Variants in FAM184A observed in about 807,000 individuals in gnomAD.
FAM184A encodes the protein family with sequence similarity 184 member A.
FAM184A carries 99 observed loss-of-function variants against 143.8 expected under a neutral mutation model. That is an observed-to-expected ratio of 0.69 (90% CI 0.58 to 0.81). The LOEUF (loss-of-function observed/expected upper bound fraction) is 0.81, where lower values mean the gene tolerates loss of function less well. Ranked by LOEUF, FAM184A falls within the 40% of genes least tolerant of loss-of-function variation. The pLI is 0.00. For synonymous variants in FAM184A, 427 were observed against 446.4 expected, an observed-to-expected ratio of 0.96 and a Z score of 0.55; for missense variants, 1,217 against 1,310.5, an observed-to-expected ratio of 0.93 and a Z score of 1.10.
intron 9 of FAM184A, among the ~76,000 whole-genome samples, chr6:118,982,437 C>A (rs567973730): frequency 6.4e-4 from 97 of 152,306 alleles, no homozygotes; most frequent in African/African-American, 2.3e-3. Context: ...GGGTGTGTCA[C>A]ATGCAGAATA....
intron 9 of FAM184A, among the ~76,000 whole-genome samples, chr6:118,992,293 A>T (rs1784404456): frequency 6.6e-6 from 1 of 152,144 alleles, no homozygotes; most frequent in Non-Finnish European, 1.5e-5. Flanking sequence ...TAAAGGAAAG[A>T]CATATGGATG....
intron 1 of FAM184A, among the ~76,000 whole-genome samples, chr6:119,107,065 T>C (rs1788806898): frequency 6.6e-6 from 1 of 152,162 alleles, no homozygotes; most frequent in African/African-American, 2.4e-5. Context: ...GATAAATCTA[T>C]TATCCTGAAA....
At chr6:119,148,108 C>T (rs1772514234) in intron 1 of FAM184A, among the ~76,000 whole-genome samples, 1 of 152,172 alleles carries the variant, frequency 6.6e-6, no homozygotes, top group Admixed American at 6.5e-5. Context: ...CCCTGCCTAG[C>T]AATGAAACTC....
chr6:119,111,852 T>A (rs1788942944), intron 1 of FAM184A, among the ~76,000 whole-genome samples: 1 of 152,220 alleles, frequency 6.6e-6, no homozygotes, highest in African/African-American at 2.4e-5. Flanking sequence ...GCATATAGAC[T>A]GAATATTTTC....
At chr6:119,098,978 C>T (rs370203302) in intron 1 of FAM184A, among the ~76,000 whole-genome samples, 49 of 152,228 alleles carry the variant, frequency 3.2e-4, no homozygotes, top group East Asian at 2.5e-3. Flanking sequence ...GATGTGGTGG[C>T]GCATGCCTAT....
intron 1 of FAM184A, among the ~76,000 whole-genome samples, chr6:119,058,315 G>A (rs1787086984): frequency 2.7e-5 from 4 of 150,858 alleles, no homozygotes; most frequent in South Asian, 2.1e-4. Flanking sequence ...TCCCTACTGA[G>A]CCTCTTGCCT....
At chr6:119,139,044 G>A (rs558581294) in intron 1 of FAM184A, among the ~76,000 whole-genome samples, 7 of 152,298 alleles carry the variant, frequency 4.6e-5, no homozygotes, top group South Asian at 2.1e-4. Context: ...GTCATGCACG[G>A]TAGCAGATTT....
At chr6:118,966,291 T>C (rs1324457676) in intron 15 of FAM184A, among the ~76,000 whole-genome samples, 1 of 152,214 alleles carries the variant, frequency 6.6e-6, no homozygotes, top group Non-Finnish European at 1.5e-5. Flanking sequence ...CCAGTGTTAC[T>C]GACTTTCCAA....
At chr6:119,037,127 T>C (rs912455089) in intron 1 of FAM184A, among the ~76,000 whole-genome samples, 7 of 152,220 alleles carry the variant, frequency 4.6e-5, no homozygotes, top group Admixed American at 1.3e-4. Context: ...AGTGTCTTTA[T>C]AGTAATTTTA....
intron 1 of FAM184A, among the ~76,000 whole-genome samples, chr6:119,035,435 C>T (rs894523323): frequency 6.6e-6 from 1 of 152,128 alleles, no homozygotes; most frequent in Non-Finnish European, 1.5e-5. Flanking sequence ...GTTTACAGGA[C>T]GCACAGCAAG....
intron 1 of FAM184A, among the ~76,000 whole-genome samples, chr6:119,046,738 C>A (rs1182203766): frequency 6.6e-6 from 1 of 152,162 alleles, no homozygotes; most frequent in Admixed American, 6.5e-5. Context: ...ATACATACCC[C>A]TGAATGGCCA....
chr6:119,102,553 C>T (rs1225665284), intron 1 of FAM184A, among the ~76,000 whole-genome samples: 2 of 151,640 alleles, frequency 1.3e-5, no homozygotes, highest in African/African-American at 4.8e-5. Flanking sequence ...TTTGGAAGGC[C>T]GAGGTAGGTA....
intron 1 of FAM184A, among the ~76,000 whole-genome samples, chr6:119,125,181 T>A (rs1789324954): frequency 6.6e-6 from 1 of 152,252 alleles, no homozygotes; most frequent in Non-Finnish European, 1.5e-5. Flanking sequence ...AAGTCTGGTC[T>A]ATGACTTCAA....
intron 14 of FAM184A, among the ~76,000 whole-genome samples, chr6:118,971,811 C>G (rs908432739): frequency 6.6e-6 from 1 of 152,000 alleles, no homozygotes; most frequent in Admixed American, 6.6e-5. Context: ...ATGTGTTGCC[C>G]CACCCTTCTC....
At chr6:119,135,981 AGAAAGAAT>A (rs1789649156) in intron 1 of FAM184A, among the ~76,000 whole-genome samples, 1 of 151,454 alleles carries the variant, frequency 6.6e-6, no homozygotes, top group African/African-American at 2.4e-5. Flanking sequence ...AAAAAAAAGC[AGAAAGAAT>A]ATTTCCAGGC....
At chr6:119,130,604 C>G (rs187290132) in intron 1 of FAM184A, among the ~76,000 whole-genome samples, 2,455 of 152,230 alleles carry the variant, frequency 0.016, 64 homozygotes, top group African/African-American at 0.053. Flanking sequence ...AAAAAATTAG[C>G]AATCTAGTTT....
chr6:119,053,715 T>G (rs1259687239), intron 1 of FAM184A, among the ~76,000 whole-genome samples: 1 of 152,114 alleles, frequency 6.6e-6, no homozygotes, highest in East Asian at 1.9e-4. Context: ...GGGAGGTAAC[T>G]GAGTGGAAAA....
At chr6:119,097,154 A>G (rs1788530274) in intron 1 of FAM184A, among the ~76,000 whole-genome samples, 1 of 152,114 alleles carries the variant, frequency 6.6e-6, no homozygotes, top group African/African-American at 2.4e-5. Flanking sequence ...CTCGCAGTTC[A>G]TGCAGTTCTC....
chr6:119,029,318 T>C (rs1422137737), intron 1 of FAM184A, among the ~76,000 whole-genome samples: 2 of 152,240 alleles, frequency 1.3e-5, no homozygotes, highest in African/African-American at 4.8e-5. Flanking sequence ...GGAGGAAATA[T>C]GTGAGTTTCC....
Sources: allele counts gnomAD v4.1 joint callset (sites outside exome capture counted in the v4.1 genomes callset), GRCh38; gene constraint gnomAD v4.1.1; transcripts MANE v1.5; gene names NCBI Gene and HGNC (gene_info 2026-07-23, HGNC 2026-07-21).